The following ANG variants were observed in gnomAD, a reference collection of about 807,000 sequenced individuals.
ANG encodes Homo sapiens epididymis luminal protein 168.
For missense variants in ANG, 178 were observed against 187.4 expected (o/e 0.95, Z 0.29); for synonymous variants, 74 against 73.8 (o/e 1.00, Z -0.02).
At chr14:20,693,454 T>C in intron 1 of ANG, 93 bp from the exon 2 acceptor site, 1 of 1,516,654 alleles carries the variant, frequency 6.6e-7, no homozygotes, top group Non-Finnish European at 9.0e-7. Flanking sequence ...ATCTGATTCA[T>C]GATGCCGTGT....
chr14:20,693,082 C>T (rs1250025598), intron 1 of ANG, among the ~76,000 whole-genome samples: 1 of 151,870 alleles, frequency 6.6e-6, no homozygotes, highest in Non-Finnish European at 1.5e-5. Context: ...CTCCTGACCT[C>T]GTGATCCGCC....
upstream of ANG, among the ~76,000 whole-genome samples, chr14:20,686,254 G>A (rs941292219): frequency 6.6e-6 from 1 of 152,140 alleles, no homozygotes; most frequent in African/African-American, 2.4e-5. Context: ...AGGCACTCTA[G>A]TAATGTGGAG....
At position 20,694,008 on chromosome 14, in the gene ANG, A is replaced by G. The variant is rs1886971522; in HGVS notation, c.444A>G (p.Ter148=). The G allele has an allele frequency of 6.2e-7, 1 of 1,613,976 alleles. No homozygotes were observed. The highest frequency in any genetic ancestry group is 1.7e-5 in the Admixed American group (1 of 59,998). Residue 148 remains the stop codon, a stop_retained_variant, in exon 2 of 2, where the codon TAA becomes TAG. Transcript: ENST00000397990. The part of the protein sequence containing the change: ...HLDQSIFRRP[*] ...ATCAGTCAATTTTCCGTCGTCCGTA[A>G]CCAGCGGGCCCCTGGTCAAGTGCTG...
Position 20,693,803 on chromosome 14 carries a change from T to C in ANG, c.239T>C (p.Ile80Thr). ...IHGNKRSIKAICENKNGNPHR... is the reference protein window; with the variant it reads ...IHGNKRSIKATCENKNGNPHR... ...GGCAACAAGCGCAGCATCAAGGCCA[T>C]CTGTGAAAACAAGAATGGAAACCCT... Residue 80 changes from isoleucine (I) to threonine (T), a missense_variant, in exon 2 of 2, where the codon ATC (isoleucine) becomes ACC (threonine). Physicochemically the swap from Ile to Thr is moderately conservative, Grantham distance 89. Coordinates refer to ENST00000397990, the MANE Select transcript of ANG (RefSeq NM_001097577.3). 1 of 1,614,192 alleles carries C rather than the reference T, an allele frequency of 6.2e-7. No individual in the cohort carries two copies. The highest frequency in any genetic ancestry group is 1.6e-4 in the Middle Eastern group (1 of 6,062).
At chr14:20,685,766 G>T (rs1171246798), upstream of ANG, among the ~76,000 whole-genome samples, 1 of 152,170 alleles carries the variant, frequency 6.6e-6, no homozygotes. Flanking sequence ...TGTGGGCCCG[G>T]CACGGTGGCT....
At chr14:20,688,481 C>T (rs1181442526), upstream of ANG, among the ~76,000 whole-genome samples, 4 of 152,104 alleles carry the variant, frequency 2.6e-5, no homozygotes, top group African/African-American at 9.7e-5. Context: ...CTTATGGATC[C>T]AGACTATTAT....
intron 1 of ANG, 27 bp downstream of exon 1, chr14:20,688,901 A>G (rs1039744911): frequency 2.5e-5 from 24 of 972,754 alleles, no homozygotes; most frequent in East Asian, 2.3e-4. Flanking sequence ...TTTGTTTTAT[A>G]TATTATTTCT....
rs372839164 is a variant in ANG at position 20,693,059 on chromosome 14, G to A, written c.-18-488G>A. On this transcript the variant is annotated intron_variant, in intron 1 of 1. Coordinates refer to ENST00000397990, the MANE Select transcript of ANG (RefSeq NM_001097577.3). The stretch of plus-strand genomic sequence containing the variant: ...AGACGGGGTTTCACCGTGGTAGCCA[G>A]GATGGTCTCGATCTCCTGACCTCGT... Among the ~76,000 whole-genome samples the A allele has an allele frequency of 2.2e-4, 34 of 151,896 alleles. No individual in the cohort carries two copies. In the Middle Eastern group the frequency reaches 0.01, roughly 46 times the overall value.
At chr14:20,693,341 G>A in intron 1 of ANG, 1 of 641,618 alleles carries the variant, frequency 1.6e-6, no homozygotes, top group Non-Finnish European at 2.7e-6. Context: ...GCTAGAGGTT[G>A]TGCTCAGGAA....
chr14:20,688,514 C>A (rs565899528), upstream of ANG, among the ~76,000 whole-genome samples: 5 of 152,248 alleles, frequency 3.3e-5, no homozygotes, highest in Admixed American at 2.0e-4. Flanking sequence ...AAACCTCAGT[C>A]CTGCCATGAA....
At chr14:20,687,690 C>G (rs1254151520), upstream of ANG, among the ~76,000 whole-genome samples, 1 of 152,254 alleles carries the variant, frequency 6.6e-6, no homozygotes, top group South Asian at 2.1e-4. Context: ...CTCACACAGT[C>G]CTGGTGTTGG....
In ANG at chr14:20,693,697, C is replaced by G. The variant is rs746187039; in HGVS notation, c.133C>G (p.Arg45Gly). 1.2e-5 allele frequency: 20 copies of G among 1,614,128 alleles called. No individual in the cohort carries two copies. In the South Asian group the frequency reaches 2.2e-4, roughly 18 times the overall value. ...TQHYDAKPQG[R>G]DDRYCESIMR... ...GCACTATGATGCCAAACCACAGGGCCGGGATGACAGATACTGTGAAAGCAT... is the reference window on the plus strand; with the variant it reads ...GCACTATGATGCCAAACCACAGGGCGGGGATGACAGATACTGTGAAAGCAT... The change falls in exon 2 of 2, where the codon CGG (arginine) becomes GGG (glycine). Residue 45 changes from arginine (R) to glycine (G), a missense_variant. By Grantham distance (125) the Arg-to-Gly change is moderately radical. Coordinates refer to ENST00000397990, the MANE Select transcript of ANG (RefSeq NM_001097577.3).
intron 1 of ANG, among the ~76,000 whole-genome samples, chr14:20,690,912 A>G (rs1886709266): frequency 6.6e-6 from 1 of 152,250 alleles, no homozygotes; most frequent in Non-Finnish European, 1.5e-5. Flanking sequence ...CACGTGGGTA[A>G]TGGCATGTTT....
At chr14:20,690,237 A>G (rs868234643) in intron 1 of ANG, among the ~76,000 whole-genome samples, 2 of 150,372 alleles carry the variant, frequency 1.3e-5, no homozygotes, top group South Asian at 2.1e-4. Context: ...AAAAAAAAAA[A>G]AAAAAAAAAA....
At chr14:20,687,006 ATC>A (rs1886456749), upstream of ANG, among the ~76,000 whole-genome samples, 1 of 152,182 alleles carries the variant, frequency 6.6e-6, no homozygotes, top group Admixed American at 6.5e-5. Flanking sequence ...AGAGAAAAAA[ATC>A]TCCAGGAAAG....
chr14:20,693,337 G>T, intron 1 of ANG: 3 of 634,840 alleles, frequency 4.7e-6, no homozygotes, highest in Non-Finnish European at 8.2e-6. Flanking sequence ...TGGAGCTAGA[G>T]GTTGTGCTCA....
chr14:20,688,758 G>C, upstream of ANG: 1 of 985,252 alleles, frequency 1.0e-6, no homozygotes, highest in Non-Finnish European at 1.2e-6. Context: ...TATATAATCA[G>C]AACCTGGAGA....
chr14:20,693,394 G>A (rs1030474481), intron 1 of ANG, 153 bp from the exon 2 acceptor site: 3 of 961,236 alleles, frequency 3.1e-6, no homozygotes, highest in East Asian at 5.1e-5. Context: ...GACGAAGTGT[G>A]AGGTTAATGA....
At chr14:20,692,650 A>C (rs1248465175) in intron 1 of ANG, among the ~76,000 whole-genome samples, 2 of 152,182 alleles carry the variant, frequency 1.3e-5, no homozygotes, top group Non-Finnish European at 1.5e-5. Context: ...TTCATCCTGA[A>C]ACCATCCCCC....
Sources: gnomAD v4.1 joint callset for allele counts (sites outside exome capture counted in the v4.1 genomes callset) on GRCh38, gnomAD v4.1.1 for gene constraint, MANE v1.5 for transcripts, NCBI Gene and HGNC (gene_info 2026-07-23, HGNC 2026-07-21) for gene names.